Variants in POLR3GL observed in about 807,000 individuals in gnomAD.
POLR3GL encodes the protein RNA polymerase III subunit GL, also known as DNA-directed RNA polymerase III subunit RPC7-like.
Under a neutral mutation model 32.4 loss-of-function variants are expected in POLR3GL, and 26 were observed. That is an observed-to-expected ratio of 0.80 (90% CI 0.59 to 1.11). POLR3GL has a LOEUF of 1.11. POLR3GL is among the 50% of genes most tolerant of loss of function. The pLI is 0.00. For missense variants in POLR3GL, 229 were observed against 280.1 expected, an observed-to-expected ratio of 0.82 and a Z score of 1.30; for synonymous variants, 95 against 98.7, an observed-to-expected ratio of 0.96 and a Z score of 0.22.
chr1:145,972,478 C>T (rs1189826526), intron 1 of POLR3GL, among the ~76,000 whole-genome samples: 2 of 151,062 alleles, frequency 1.3e-5, no homozygotes, highest in Non-Finnish European at 2.9e-5. Flanking sequence ...AGAGATTTGT[C>T]TTTTTTCCCC....
At position 145,975,287 on chromosome 1, in the gene POLR3GL, C is replaced by T; in HGVS notation, c.127-20C>T. ...ACTAGCATTTTCTCCCTGAACTGAC[C>T]ACTGCCCCTGCCTCTTTAGCCCTTG... On this transcript the variant is annotated intron_variant, in intron 2 of 7. Coordinates refer to ENST00000369314, the MANE Select transcript of POLR3GL (RefSeq NM_032305.3). The T allele has an allele frequency of 6.2e-7, 1 of 1,611,636 alleles. No individual in the cohort carries two copies. The highest frequency in any genetic ancestry group is 1.1e-5 in the South Asian group (1 of 91,024).
chr1:145,966,071 G>A (rs1460138937), intron 1 of POLR3GL, among the ~76,000 whole-genome samples: 2 of 127,694 alleles, frequency 1.6e-5, no homozygotes, highest in Admixed American at 1.0e-4. Context: ...AGCTCAGATC[G>A]CACCATTGCA....
At chr1:145,971,990 AT>A (rs1380237533) in intron 1 of POLR3GL, among the ~76,000 whole-genome samples, 4,742 of 46,776 alleles carry the variant, frequency 0.1, 554 homozygotes, top group Middle Eastern at 0.14. Flanking sequence ...AAAAAAAAAA[AT>A]ATATATATAT....
chr1:145,975,729 G>A (rs1650522199), intron 3 of POLR3GL, among the ~76,000 whole-genome samples: 1 of 152,036 alleles, frequency 6.6e-6, no homozygotes, highest in Non-Finnish European at 1.5e-5. Flanking sequence ...TAGAGATAGG[G>A]TGTCCTTATG....
chr1:145,974,787 A>T, intron 1 of POLR3GL, 38 bp from the exon 2 acceptor site: 1 of 1,335,774 alleles, frequency 7.5e-7, no homozygotes, highest in Non-Finnish European at 9.9e-7. Context: ...TGTCCATTCT[A>T]CTACATTTCT....
intron 1 of POLR3GL, among the ~76,000 whole-genome samples, chr1:145,972,030 G>GTGTA (rs1345016591): frequency 2.9e-4 from 37 of 128,536 alleles, no homozygotes; most frequent in African/African-American, 8.7e-4. Context: ...GTGTGTGTGT[G>GTGTA]TATATATATA....
At chr1:145,972,389 A>C (rs1553762857) in intron 1 of POLR3GL, among the ~76,000 whole-genome samples, 2 of 151,964 alleles carry the variant, frequency 1.3e-5, no homozygotes, top group Non-Finnish European at 2.9e-5. Flanking sequence ...TCAAAAAAAA[A>C]AAAAAAAAGT....
intron 1 of POLR3GL, 44 bp from the exon 2 acceptor site, chr1:145,974,781 C>T (rs1650473474): frequency 9.3e-6 from 12 of 1,286,994 alleles, no homozygotes; most frequent in Non-Finnish European, 1.2e-5. Context: ...GCTTCCTGTC[C>T]ATTCTACTAC....
At chr1:145,977,346 T>A in intron 4 of POLR3GL, 137 bp from the exon 5 acceptor site, 4 of 900,872 alleles carry the variant, frequency 4.4e-6, no homozygotes, top group South Asian at 2.8e-5. Context: ...TCAGGAGATA[T>A]CCAAGCCACT....
chr1:145,977,492 G>GT lies in POLR3GL; in HGVS notation c.336dup (p.Leu113SerfsTer27), dbSNP rs1650613304. 1 of 1,613,910 alleles carries GT rather than the reference G, an allele frequency of 6.2e-7. No homozygotes were observed. Among genetic ancestry groups the GT allele is most frequent in the Admixed American group, 1.7e-5 (1 of 59,982 alleles). The stretch of plus-strand genomic sequence containing the variant: ...TTCCCACTATTCCCAGATTGGCGGC[G>GT]TCTACCCCGGGAGCTAAAGATCCGA... On this transcript the variant is annotated frameshift_variant, in exon 5 of 8. Coordinates refer to ENST00000369314, the MANE Select transcript of POLR3GL (RefSeq NM_032305.3). LOFTEE classifies it high-confidence loss of function.
chr1:145,976,443 G>C (rs1452452096), intron 3 of POLR3GL, among the ~76,000 whole-genome samples: 29 of 150,880 alleles, frequency 1.9e-4, no homozygotes, highest in Admixed American at 1.9e-3. Context: ...GCCAGGCCTG[G>C]TGGCAGATGC....
chr1:145,974,964 C>T lies in POLR3GL; in HGVS notation c.99C>T (p.Pro33=). Reference sequence around the variant, plus strand: ...GGAAAGGGGATGCTTTGCCCCCACCCACCCTGCAGCCTTCTCCACTCTTCC... The same window carrying T: ...GGAAAGGGGATGCTTTGCCCCCACCTACCCTGCAGCCTTCTCCACTCTTCC... ...GIGKGDALPP[P]TLQPSPLFPP... The change falls in exon 2 of 8, where the codon CCC becomes CCT. Residue 33 remains proline, a synonymous_variant. Coordinates refer to ENST00000369314, the MANE Select transcript of POLR3GL (RefSeq NM_032305.3). 6.6e-7 allele frequency: 1 copy of T among 1,518,006 alleles called. No homozygotes were observed. The highest frequency in any genetic ancestry group is 8.8e-7 in the Non-Finnish European group (1 of 1,137,918). The allele number at this position is 1,518,006 out of a possible 1,614,324, so 94.0% of individuals were successfully genotyped here. A position where few individuals can be genotyped will look rare whatever the true frequency, so the allele number is the denominator to read the frequency against.
At chr1:145,977,333 TA>T in intron 4 of POLR3GL, 149 bp from the exon 5 acceptor site, 2 of 850,508 alleles carry the variant, frequency 2.4e-6, no homozygotes, top group South Asian at 2.9e-5. Context: ...TAGTTCCCAC[TA>T]CTCAGGAGAT....
intron 1 of POLR3GL, among the ~76,000 whole-genome samples, chr1:145,971,470 T>C (rs912153443): frequency 2.3e-4 from 35 of 152,150 alleles, no homozygotes; most frequent in Admixed American, 1.8e-3. Context: ...TCTGCTGGAA[T>C]TTGATATTTT....
intron 2 of POLR3GL, 48 bp downstream of exon 2, chr1:145,975,039 CTG>C: frequency 6.7e-7 from 1 of 1,499,130 alleles, no homozygotes; most frequent in African/African-American, 1.4e-5. Flanking sequence ...CCCTGGCTGA[CTG>C]TACATGATTC....
At chr1:145,975,587 A>T (rs782645119) in intron 3 of POLR3GL, 151 bp downstream of exon 3, 3 of 832,376 alleles carry the variant, frequency 3.6e-6, no homozygotes, top group Non-Finnish European at 5.3e-6. Flanking sequence ...GCATTATAGT[A>T]TTCATGGTTT....
At chr1:145,968,036 TG>T (rs1559252457) in intron 1 of POLR3GL, among the ~76,000 whole-genome samples, 2 of 152,242 alleles carry the variant, frequency 1.3e-5, no homozygotes, top group Non-Finnish European at 2.9e-5. Context: ...TAATTGTTAG[TG>T]TTTTTCTGTA....
chr1:145,977,158 T>C lies in POLR3GL; in HGVS notation c.325+6T>C. On this transcript the variant is annotated splice_donor_region_variant and intron_variant, in intron 4 of 7. Coordinates refer to ENST00000369314, the MANE Select transcript of POLR3GL (RefSeq NM_032305.3). ...TGCCATCGATTGGAACCCTGGTAGG[T>C]GATGGGCCCTTTCATTGACTGCCCT... The C allele has an allele frequency of 6.2e-7, 1 of 1,611,354 alleles. No homozygotes were observed. The highest frequency in any genetic ancestry group is 8.5e-7 in the Non-Finnish European group (1 of 1,177,536).
intron 1 of POLR3GL, among the ~76,000 whole-genome samples, chr1:145,974,103 G>A (rs1413015512): frequency 3.3e-5 from 5 of 151,946 alleles, no homozygotes; most frequent in Non-Finnish European, 4.4e-5. Flanking sequence ...CGGCACTCCA[G>A]CCTGGATGAC....
Sources: gnomAD v4.1 joint callset for allele counts (sites outside exome capture counted in the v4.1 genomes callset) on GRCh38, gnomAD v4.1.1 for gene constraint, MANE v1.5 for transcripts, NCBI Gene and HGNC (gene_info 2026-07-23, HGNC 2026-07-21) for gene names.